The following P4HA1 variants were observed in gnomAD, a reference collection of about 807,000 sequenced individuals.
P4HA1 encodes prolyl 4-hydroxylase subunit alpha-1.
Under a neutral mutation model 72.8 loss-of-function variants are expected in P4HA1, and 24 were observed. The ratio of observed to expected loss-of-function variants is 0.33; its 90% CI spans 0.24 to 0.46. The LOEUF (loss-of-function observed/expected upper bound fraction) is 0.46, where lower values mean the gene tolerates loss of function less well. Among genes scored for constraint, P4HA1 ranks in the 20% least tolerant of loss-of-function variants. The pLI, the probability that P4HA1 is intolerant of heterozygous loss-of-function variation, is 1.00. For synonymous variants in P4HA1, 201 were observed against 218.8 expected, an observed-to-expected ratio of 0.92 and a Z score of 0.72; for missense variants, 446 against 640.6, an observed-to-expected ratio of 0.70 and a Z score of 3.28.
intron 1 of P4HA1, among the ~76,000 whole-genome samples, chr10:73,079,360 T>C (rs932532095): frequency 1.3e-5 from 2 of 152,132 alleles, no homozygotes; most frequent in Non-Finnish European, 2.9e-5. Flanking sequence ...GGCTGGAAGA[T>C]CACTTGAGCC....
At chr10:73,079,253 C>G (rs1467015281) in intron 1 of P4HA1, among the ~76,000 whole-genome samples, 1 of 151,970 alleles carries the variant, frequency 6.6e-6, no homozygotes, top group Non-Finnish European at 1.5e-5. Flanking sequence ...GCCAGGAGTT[C>G]GAAACCAGCC....
At chr10:73,029,088 G>A (rs907068447) in intron 10 of P4HA1, among the ~76,000 whole-genome samples, 2 of 151,898 alleles carry the variant, frequency 1.3e-5, no homozygotes, top group African/African-American at 2.4e-5. Flanking sequence ...GAATTTATGA[G>A]CTGCATATTG....
chr10:73,056,526 G>A (rs1010668033), intron 5 of P4HA1, among the ~76,000 whole-genome samples: 1 of 152,120 alleles, frequency 6.6e-6, no homozygotes, highest in African/African-American at 2.4e-5. Context: ...CAGCTACTCA[G>A]GAGGCTGAGG....
chr10:73,027,632 A>G (rs1230432755), intron 10 of P4HA1, among the ~76,000 whole-genome samples: 1 of 75,336 alleles, frequency 1.3e-5, no homozygotes, highest in Non-Finnish European at 2.4e-5. Context: ...GAAAGAAGGG[A>G]GTCAGGGAGG....
intron 10 of P4HA1, 123 bp downstream of exon 10, chr10:73,030,148 G>C: frequency 2.3e-6 from 1 of 442,528 alleles, no homozygotes; most frequent in East Asian, 3.2e-5. Context: ...GCAGCTTACA[G>C]GGTCACTTTT....
chr10:73,016,392 G>A (rs529019511), intron 11 of P4HA1, among the ~76,000 whole-genome samples: 3 of 152,292 alleles, frequency 2.0e-5, no homozygotes, highest in Non-Finnish European at 2.9e-5. Context: ...CACTGCATTT[G>A]CAGTGGTCCC....
chr10:73,054,739 C>T (rs1167708281), intron 5 of P4HA1, among the ~76,000 whole-genome samples: 3 of 152,206 alleles, frequency 2.0e-5, no homozygotes. Context: ...ATTCCAATTT[C>T]TCCACATCCT....
At chr10:73,093,767 CG>C (rs1842086023) in intron 1 of P4HA1, among the ~76,000 whole-genome samples, 1 of 140,210 alleles carries the variant, frequency 7.1e-6, no homozygotes, top group African/African-American at 2.7e-5. Context: ...GGCGTGAACC[CG>C]GGAGGTGGAG....
At chr10:73,076,659 T>C (rs1175936258) in intron 1 of P4HA1, among the ~76,000 whole-genome samples, 1 of 152,162 alleles carries the variant, frequency 6.6e-6, no homozygotes, top group Non-Finnish European at 1.5e-5. Flanking sequence ...TTACCTCACT[T>C]TCCCAGATGC....
At chr10:73,061,830 G>A (rs1841320605) in intron 5 of P4HA1, among the ~76,000 whole-genome samples, 1 of 151,976 alleles carries the variant, frequency 6.6e-6, no homozygotes, top group African/African-American at 2.4e-5. Context: ...ACCAGACTGG[G>A]CAACACAGCA....
chr10:73,079,253 C>T (rs1467015281), intron 1 of P4HA1, among the ~76,000 whole-genome samples: 6 of 151,970 alleles, frequency 3.9e-5, no homozygotes, highest in Admixed American at 1.3e-4. Context: ...GCCAGGAGTT[C>T]GAAACCAGCC....
intron 1 of P4HA1, among the ~76,000 whole-genome samples, chr10:73,091,963 G>A (rs1342991415): frequency 2.6e-5 from 4 of 152,132 alleles, no homozygotes; most frequent in Non-Finnish European, 5.9e-5. Flanking sequence ...TTATTGCTCT[G>A]AGGCCCAGGT....
At chr10:73,075,848 G>C (rs1841686130) in intron 1 of P4HA1, among the ~76,000 whole-genome samples, 1 of 151,990 alleles carries the variant, frequency 6.6e-6, no homozygotes, top group South Asian at 2.1e-4. Context: ...TAGGGTTACA[G>C]GCGTGAGCCA....
At chr10:73,044,040 C>G in intron 9 of P4HA1, 1 of 970,654 alleles carries the variant, frequency 1.0e-6, no homozygotes. Context: ...TGCCAAGCCA[C>G]AGGTGATTGG....
chr10:73,044,931 G>A, intron 9 of P4HA1, 50 bp downstream of exon 9: 1 of 1,407,302 alleles, frequency 7.1e-7, no homozygotes. Context: ...CCTGTAAGAT[G>A]TATAAAACAC....
chr10:73,048,881 T>C (rs1840939170), intron 7 of P4HA1, among the ~76,000 whole-genome samples: 1 of 152,154 alleles, frequency 6.6e-6, no homozygotes, highest in Non-Finnish European at 1.5e-5. Flanking sequence ...ACGCCTGTAA[T>C]CCCAGCACTT....
chr10:73,024,936 G>A (rs1020971314), intron 10 of P4HA1, among the ~76,000 whole-genome samples: 4 of 152,092 alleles, frequency 2.6e-5, no homozygotes, highest in African/African-American at 4.8e-5. Flanking sequence ...GACCAAACCA[G>A]GAAGAAGTTG....
chr10:73,070,142 CTTTTTTTTTTTTTTTTTT>C (rs71021546), intron 4 of P4HA1, among the ~76,000 whole-genome samples: 5 of 64,470 alleles, frequency 7.8e-5, no homozygotes, highest in Non-Finnish European at 1.4e-4. Context: ...GAGACCAGGC[CTTTTTTTTTTTTTTTTTT>C]TTTTTTTTTT....
intron 6 of P4HA1, 84 bp from the exon 7 acceptor site, chr10:73,051,333 CATT>C: frequency 1.4e-6 from 1 of 730,890 alleles, no homozygotes; most frequent in Non-Finnish European, 2.2e-6. Context: ...AAATAGGAGA[CATT>C]ATAATTTATC....
Sources: allele counts gnomAD v4.1 joint callset (sites outside exome capture counted in the v4.1 genomes callset), GRCh38; gene constraint gnomAD v4.1.1; transcripts MANE v1.5; gene names NCBI Gene and HGNC (gene_info 2026-07-23, HGNC 2026-07-21).